The following KIAA1217 variants were observed in gnomAD, a reference collection of about 807,000 sequenced individuals.
KIAA1217 encodes KIAA1217.
In KIAA1217, 88 loss-of-function variants were observed where a neutral mutation model predicts 163.9. The ratio of observed to expected loss-of-function variants is 0.54; its 90% CI spans 0.45 to 0.64. The LOEUF is 0.64. Among genes scored for constraint, KIAA1217 ranks in the 30% least tolerant of loss-of-function variants. KIAA1217 has a pLI of 0.00. For missense variants in KIAA1217, 2,372 were observed against 2,475.0 expected (o/e 0.96, Z 0.88); for synonymous variants, 903 against 923.1 (o/e 0.98, Z 0.39).
intron 2 of KIAA1217, among the ~76,000 whole-genome samples, chr10:24,141,234 C>CCCCG (rs2064064945): frequency 7.5e-6 from 1 of 132,790 alleles, no homozygotes; most frequent in African/African-American, 2.7e-5. Context: ...AACCCCCCCC[C>CCCCG]CCCATTTCTC....
intron 17 of KIAA1217, 179 bp from the exon 18 acceptor site, chr10:24,542,514 T>C: frequency 7.0e-7 from 1 of 1,427,020 alleles, no homozygotes; most frequent in Non-Finnish European, 9.2e-7. Flanking sequence ...CAGGGCATTT[T>C]TGGCAGTTGG....
rs142978144 is a variant in KIAA1217 at position 24,531,758 on chromosome 10, T to C, written c.3083-72T>C. The C allele has an allele frequency of 3.4e-5, 48 of 1,403,442 alleles. No homozygotes were observed. The East Asian group carries it at 1.1e-3, about 32-fold the overall frequency. 86.9% of individuals were successfully genotyped at this position (1,403,442 alleles called of 1,614,324 possible). Reference sequence around the variant, plus strand: ...TTTAAATCAGATTGCATTGGGTTTGTAGCAATATACCAGACTTTCTGGATG... The same window carrying C: ...TTTAAATCAGATTGCATTGGGTTTGCAGCAATATACCAGACTTTCTGGATG... On this transcript the variant is annotated intron_variant, in intron 14 of 20. Coordinates refer to ENST00000376454, the MANE Select transcript of KIAA1217 (RefSeq NM_019590.5).
rs145623222 is a variant in KIAA1217 at position 24,523,833 on chromosome 10, G to C, written c.2457-490G>C. 2.1e-3 allele frequency among the ~76,000 whole-genome samples: 323 copies of C among 152,332 alleles called. 3 individuals carry two copies. The highest frequency in any genetic ancestry group is 4.5e-3 in the African/African-American group (186 of 41,568). On this transcript the variant is annotated intron_variant, in intron 12 of 20. Transcript: ENST00000376454. ...CAAATGACTCCAAACACCAGAGGAA[G>C]TTGAGGAATAAACACGACCGTTAGA...
intron 5 of KIAA1217, among the ~76,000 whole-genome samples, chr10:24,469,325 A>T (rs2063257359): frequency 6.6e-6 from 1 of 151,876 alleles, no homozygotes; most frequent in South Asian, 2.1e-4. Context: ...GGGTTTTGCC[A>T]TGTTGCCCAA....
intron 2 of KIAA1217, among the ~76,000 whole-genome samples, chr10:24,015,522 A>C (rs1405100479): frequency 6.6e-6 from 1 of 151,996 alleles, no homozygotes; most frequent in Non-Finnish European, 1.5e-5. Context: ...TTGGGAGGCC[A>C]AGGCAGGTGG....
At chr10:24,051,716 A>C (rs540387803) in intron 2 of KIAA1217, among the ~76,000 whole-genome samples, 1 of 152,008 alleles carries the variant, frequency 6.6e-6, no homozygotes, top group African/African-American at 2.4e-5. Flanking sequence ...GATGTTGAAC[A>C]TTTTTCATGC....
intron 1 of KIAA1217, among the ~76,000 whole-genome samples, chr10:23,873,994 C>A (rs1326007710): frequency 6.6e-6 from 1 of 152,022 alleles, no homozygotes; most frequent in Non-Finnish European, 1.5e-5. Context: ...CTAATGTATC[C>A]TTTGCTTACA....
chr10:24,221,906 A>G (rs1307440507), intron 2 of KIAA1217, among the ~76,000 whole-genome samples: 3 of 152,130 alleles, frequency 2.0e-5, no homozygotes, highest in Non-Finnish European at 4.4e-5. Flanking sequence ...GTGTGGTGGC[A>G]CACACCTGTA....
chr10:24,384,679 G>T (rs1241515652), intron 3 of KIAA1217, among the ~76,000 whole-genome samples: 1 of 152,080 alleles, frequency 6.6e-6, no homozygotes, highest in South Asian at 2.1e-4. Flanking sequence ...TGGGACGCAG[G>T]TGCCTGCCAC....
intron 2 of KIAA1217, among the ~76,000 whole-genome samples, chr10:24,290,711 T>C (rs1416292088): frequency 2.0e-5 from 3 of 151,748 alleles, no homozygotes; most frequent in Non-Finnish European, 4.4e-5. Context: ...CAAGCGATTC[T>C]CCTGCCTCAG....
At chr10:23,905,063 CTTTTTTTTTTTT>C (rs562938938) in intron 1 of KIAA1217, among the ~76,000 whole-genome samples, 20 of 99,942 alleles carry the variant, frequency 2.0e-4, no homozygotes, top group Admixed American at 4.4e-4. Flanking sequence ...TTCTCTTTTC[CTTTTTTTTTTTT>C]TTTTTTTTTT....
chr10:23,766,082 A>T (rs2130868477), intron 1 of KIAA1217, among the ~76,000 whole-genome samples: 1 of 152,330 alleles, frequency 6.6e-6, no homozygotes, highest in South Asian at 2.1e-4. Context: ...TGAATCTTTT[A>T]ATTAGCAATG....
At chr10:24,075,211 CT>C (rs1191310792) in intron 2 of KIAA1217, among the ~76,000 whole-genome samples, 3 of 151,760 alleles carry the variant, frequency 2.0e-5, no homozygotes, top group African/African-American at 7.3e-5. Context: ...AAAATGGGCA[CT>C]TCATTCCCTA....
At chr10:24,319,206 C>T (rs2043800058) in intron 2 of KIAA1217, among the ~76,000 whole-genome samples, 2 of 151,938 alleles carry the variant, frequency 1.3e-5, no homozygotes, top group South Asian at 2.1e-4. Flanking sequence ...GGCGAAACAC[C>T]GTCTCTACTA....
chr10:24,468,441 G>T (rs1245996253), intron 5 of KIAA1217, among the ~76,000 whole-genome samples: 1 of 152,122 alleles, frequency 6.6e-6, no homozygotes, highest in African/African-American at 2.4e-5. Flanking sequence ...TCACAGCTTG[G>T]CAAACCAACA....
intron 5 of KIAA1217, among the ~76,000 whole-genome samples, chr10:24,469,245 C>A (rs1236188058): frequency 6.6e-6 from 1 of 151,990 alleles, no homozygotes; most frequent in Non-Finnish European, 1.5e-5. Flanking sequence ...TGTGCCTCAG[C>A]CTCCTGAGTA....
intron 1 of KIAA1217, among the ~76,000 whole-genome samples, chr10:23,954,157 A>C (rs1844456091): frequency 6.6e-6 from 1 of 152,200 alleles, no homozygotes; most frequent in Admixed American, 6.5e-5. Flanking sequence ...GTTTGTATTT[A>C]AAACCATCTG....
intron 1 of KIAA1217, among the ~76,000 whole-genome samples, chr10:23,834,297 C>A (rs1838347424): frequency 6.6e-6 from 1 of 152,158 alleles, no homozygotes. Flanking sequence ...TTCCTAGACA[C>A]AAAGCTTTTC....
chr10:24,248,865 TG>T (rs1373022336), intron 2 of KIAA1217, among the ~76,000 whole-genome samples: 1 of 152,184 alleles, frequency 6.6e-6, no homozygotes, highest in Non-Finnish European at 1.5e-5. Flanking sequence ...TTGAAAAGAC[TG>T]TGAGAGCTTT....
Sources: allele counts gnomAD v4.1 joint callset (sites outside exome capture counted in the v4.1 genomes callset), GRCh38; gene constraint gnomAD v4.1.1; transcripts MANE v1.5; gene names NCBI Gene and HGNC (gene_info 2026-07-23, HGNC 2026-07-21).